The following SEPTIN9 variants were observed in gnomAD, a reference collection of about 807,000 sequenced individuals.
SEPTIN9 encodes septin-9.
SEPTIN9 carries 13 observed loss-of-function variants against 56.6 expected under a neutral mutation model. That is an observed-to-expected ratio of 0.23 (90% confidence interval 0.15 to 0.37). The LOEUF is 0.37. Ranked by LOEUF, SEPTIN9 falls within the 10% of genes least tolerant of loss-of-function variation. SEPTIN9 has a pLI of 1.00. For missense variants in SEPTIN9, 650 were observed against 823.1 expected, an observed-to-expected ratio of 0.79 and a Z score of 2.57; for synonymous variants, 332 against 334.1, an observed-to-expected ratio of 0.99 and a Z score of 0.07.
intron 3 of SEPTIN9, among the ~76,000 whole-genome samples, chr17:77,447,991 A>G (rs2037807414): frequency 6.6e-6 from 1 of 152,156 alleles, no homozygotes; most frequent in African/African-American, 2.4e-5. Flanking sequence ...GGTGACACTG[A>G]TGGTGGGATC....
intron 1 of SEPTIN9, among the ~76,000 whole-genome samples, chr17:77,297,057 G>A (rs1294637337): frequency 6.6e-6 from 1 of 152,170 alleles, no homozygotes; most frequent in Non-Finnish European, 1.5e-5. Flanking sequence ...CAGTTAGAAA[G>A]ATAGATGATA....
intron 2 of SEPTIN9, among the ~76,000 whole-genome samples, chr17:77,382,694 C>T (rs553386851): frequency 2.0e-4 from 30 of 152,344 alleles, no homozygotes; most frequent in African/African-American, 6.5e-4. Flanking sequence ...TCAGAAAGGG[C>T]TGCTTTGCTT....
intron 2 of SEPTIN9, among the ~76,000 whole-genome samples, chr17:77,360,960 G>A (rs1598252671): frequency 9.9e-6 from 1 of 100,794 alleles, no homozygotes; most frequent in Non-Finnish European, 1.9e-5. Flanking sequence ...TCTCTCTGTT[G>A]CCCCCCAGGC....
chr17:77,494,326 C>G (rs974781642), intron 10 of SEPTIN9, among the ~76,000 whole-genome samples: 8 of 152,206 alleles, frequency 5.3e-5, no homozygotes, highest in Non-Finnish European at 8.8e-5. Flanking sequence ...CGTTTCCTTC[C>G]CCTTCCTCTC....
At chr17:77,468,767 C>T (rs1299380704) in intron 3 of SEPTIN9, among the ~76,000 whole-genome samples, 1 of 152,134 alleles carries the variant, frequency 6.6e-6, no homozygotes. Flanking sequence ...TTTACACACG[C>T]CCCCTGGTGC....
At chr17:77,286,717 A>G (rs1363667103) in intron 1 of SEPTIN9, among the ~76,000 whole-genome samples, 4 of 152,192 alleles carry the variant, frequency 2.6e-5, no homozygotes, top group African/African-American at 9.7e-5. Context: ...GTCCACAGGC[A>G]GTGTTGCGTG....
In SEPTIN9 at chr17:77,498,727, A is replaced by C. The variant is rs1598484912; in HGVS notation, c.*69A>C. On this transcript the variant is annotated 3_prime_UTR_variant, in exon 12 of 12. Coordinates refer to ENST00000427177, the MANE Select transcript of SEPTIN9 (RefSeq NM_001113491.2). ...CCGTCCCCCCCCAGGCCCTCCCACC[A>C]CCCCATTTTATTTTATATGATTTTC... 3.3e-5 allele frequency: 15 copies of C among 460,906 alleles called. No homozygotes were observed. Among genetic ancestry groups the C allele is most frequent in the African/African-American group, 2.2e-4 (3 of 13,772 alleles). The allele number at this position is 460,906 out of a possible 1,614,324, so 28.6% of individuals were successfully genotyped here. A position where few individuals can be genotyped will look rare whatever the true frequency, so the allele number is the denominator to read the frequency against.
chr17:77,473,216 C>G (rs1463123297), intron 3 of SEPTIN9, among the ~76,000 whole-genome samples: 1 of 152,190 alleles, frequency 6.6e-6, no homozygotes, highest in African/African-American at 2.4e-5. Context: ...GTTTCTCAGA[C>G]TCATCTTCCA....
intron 2 of SEPTIN9, among the ~76,000 whole-genome samples, chr17:77,379,209 G>A (rs990190545): frequency 6.6e-6 from 1 of 152,058 alleles, no homozygotes; most frequent in Non-Finnish European, 1.5e-5. Flanking sequence ...CATCCACTGA[G>A]CACCCCCATA....
rs2038067614 is a variant in SEPTIN9, at chr17:77,453,601, G to A, written c.722-28543G>A. Among the ~76,000 whole-genome samples, 1 of 142,280 alleles carries A rather than the reference G, an allele frequency of 7.0e-6. No individual in the cohort carries two copies. The highest frequency in any genetic ancestry group is 2.7e-5 in the African/African-American group (1 of 37,478). 93.3% of individuals were successfully genotyped at this position (142,280 alleles called of 152,430 possible). On this transcript the variant is annotated intron_variant, in intron 3 of 11. Coordinates refer to ENST00000427177, the MANE Select transcript of SEPTIN9 (RefSeq NM_001113491.2). This position sits in a 1 kb window ranked among gnomAD's most constrained non-coding sequence, Gnocchi z 4.4. ...GTCTGGGCAACAAGAGTGAAACTCTGTCTCAAAAAAAAAAAAAAAAAGCCT... is the reference window on the plus strand; with the variant it reads ...GTCTGGGCAACAAGAGTGAAACTCTATCTCAAAAAAAAAAAAAAAAAGCCT...
intron 1 of SEPTIN9, among the ~76,000 whole-genome samples, chr17:77,292,480 C>T (rs1391752241): frequency 6.6e-6 from 1 of 151,212 alleles, no homozygotes; most frequent in Non-Finnish European, 1.5e-5. Context: ...TTGGAGTCTG[C>T]AGTTTTTTGT....
chr17:77,402,143 C>T lies in SEPTIN9; in HGVS notation c.161C>T (p.Ala54Val). 1.2e-6 allele frequency: 2 copies of T among 1,613,962 alleles called. No individual in the cohort carries two copies. Among genetic ancestry groups the T allele is most frequent in the Non-Finnish European group, 1.7e-6 (2 of 1,179,884 alleles). ...AGGGTCCAGACTCCCCTACTCCGAG[C>T]CACTGTGGCCAGCTCCACCCAGAAA... The part of the protein sequence containing the change: ...PRRVQTPLLR[A>V]TVASSTQKFQ... The change falls in exon 3 of 12, where the codon GCC (alanine) becomes GTC (valine). Residue 54 changes from alanine to valine, a missense_variant. Physicochemically the swap from Ala to Val is moderately conservative, Grantham distance 64 (BLOSUM62 0). Transcript: ENST00000427177. The surrounding 1 kb of genome is among the most constrained non-coding windows in gnomAD (Gnocchi z 6.6).
rs1480185409 is a variant in SEPTIN9 at position 77,487,169 on chromosome 17, A to G, written c.914-255A>G. ...ATGCCGACTCTCCCAGGCCCGGCTC[A>G]CCTCTCAGGAGAGGACTGTGGCCTG... On this transcript the variant is annotated intron_variant, in intron 4 of 11. Transcript: ENST00000427177. This position sits in a 1 kb window ranked among gnomAD's most constrained non-coding sequence, Gnocchi z 4.3. Among the ~76,000 whole-genome samples the G allele has an allele frequency of 6.6e-6, 1 of 152,124 alleles. No individual in the cohort carries two copies. Among genetic ancestry groups the G allele is most frequent in the Non-Finnish European group, 1.5e-5 (1 of 68,004 alleles).
intron 2 of SEPTIN9, among the ~76,000 whole-genome samples, chr17:77,341,181 G>T (rs2033713017): frequency 1.3e-5 from 2 of 152,142 alleles, no homozygotes; most frequent in African/African-American, 4.8e-5. Flanking sequence ...ACTTTTGCCT[G>T]TCTTGGCTTT....
intron 1 of SEPTIN9, among the ~76,000 whole-genome samples, 178 bp from the exon 2 acceptor site, chr17:77,306,963 C>T (rs760149690): frequency 7.2e-5 from 11 of 152,354 alleles, no homozygotes; most frequent in African/African-American, 2.4e-4. Flanking sequence ...TGGCTGTCAT[C>T]CCTCCAGCGT....
intron 3 of SEPTIN9, among the ~76,000 whole-genome samples, chr17:77,470,362 C>T (rs1484789234): frequency 6.6e-6 from 1 of 151,568 alleles, no homozygotes; most frequent in African/African-American, 2.4e-5. Context: ...ATCTACCCAT[C>T]CACTTATCCA....
rs1037136931 is a variant in SEPTIN9 at position 77,434,084 on chromosome 17, G to A, written c.721+31381G>A. ...ACATTTCTCACTTCTCAAAGGCCCT[G>A]GGTTTGGTGTCTGTGGGCTGGGGAT... On this transcript the variant is annotated intron_variant, in intron 3 of 11. Coordinates refer to ENST00000427177, the MANE Select transcript of SEPTIN9 (RefSeq NM_001113491.2). This position sits in a 1 kb window ranked among gnomAD's most constrained non-coding sequence, Gnocchi z 5.0. 4.6e-5 allele frequency among the ~76,000 whole-genome samples: 7 copies of A among 152,208 alleles called. No individual in the cohort carries two copies. Among genetic ancestry groups the A allele is most frequent in the South Asian group, 4.1e-4 (2 of 4,830 alleles).
chr17:77,495,726 G>T (rs1246529544), intron 10 of SEPTIN9, among the ~76,000 whole-genome samples: 1 of 152,220 alleles, frequency 6.6e-6, no homozygotes, highest in Non-Finnish European at 1.5e-5. Context: ...TCTGCAGGAG[G>T]TTCTAGTGTG....
intron 3 of SEPTIN9, among the ~76,000 whole-genome samples, chr17:77,426,036 C>G (rs2036895810): frequency 6.6e-6 from 1 of 152,118 alleles, no homozygotes; most frequent in African/African-American, 2.4e-5. Context: ...GGGTCCCAGC[C>G]TCAGGAGGAG....
Sources: allele counts gnomAD v4.1 joint callset (sites outside exome capture counted in the v4.1 genomes callset), GRCh38; gene constraint gnomAD v4.1.1; non-coding constraint Gnocchi (gnomAD v3.1); transcripts MANE v1.5; gene names NCBI Gene and HGNC (gene_info 2026-07-23, HGNC 2026-07-21).